BTBD1: variants seen among roughly 807,000 people sequenced by gnomAD.
BTBD1 encodes the protein BTB/POZ domain-containing protein 1.
BTBD1 carries 34 observed loss-of-function variants against 48.0 expected under a neutral mutation model. That is an observed-to-expected ratio of 0.71 (90% CI 0.54 to 0.94). BTBD1 has a LOEUF of 0.94. Among genes scored for constraint, BTBD1 ranks in the 40% least tolerant of loss-of-function variants. The pLI is 0.00. For synonymous variants in BTBD1, 261 were observed against 242.1 expected (o/e 1.08, Z -0.72); for missense variants, 543 against 625.6 (o/e 0.87, Z 1.41).
chr15:83,027,343 ACT>A (rs2151301442), intron 5 of BTBD1, among the ~76,000 whole-genome samples: 1 of 152,278 alleles, frequency 6.6e-6, no homozygotes, highest in South Asian at 2.1e-4. Flanking sequence ...CAAGAGCGAA[ACT>A]CTATCTCAAA....
chr15:83,036,538 C>T (rs577086126), intron 4 of BTBD1, among the ~76,000 whole-genome samples: 95 of 152,226 alleles, frequency 6.2e-4, no homozygotes, highest in African/African-American at 2.0e-3. Context: ...CTACTAAAGC[C>T]GACCATATGC....
At chr15:83,034,090 C>CAAAAAAAA (rs748026027) in intron 4 of BTBD1, among the ~76,000 whole-genome samples, 4 of 67,174 alleles carry the variant, frequency 6.0e-5, no homozygotes, top group Admixed American at 1.7e-4. Context: ...CTGTCTACAC[C>CAAAAAAAA]AAAAAAAAAA....
chr15:83,018,008 T>A lies in BTBD1; in HGVS notation c.*59A>T, dbSNP rs2032205283. ...CTCAAACTACTTTTTTGTGGCCATT[T>A]ATGTTTTTGACACTAGATTGTATGG... On this transcript the variant is annotated 3_prime_UTR_variant, in exon 8 of 8. Transcript: ENST00000261721. 1.1e-5 allele frequency: 13 copies of A among 1,194,618 alleles called. No homozygotes were observed. The highest frequency in any genetic ancestry group is 1.4e-5 in the Non-Finnish European group (12 of 880,330). The allele number at this position is 1,194,618 out of a possible 1,614,324, so 74.0% of individuals were successfully genotyped here.
At chr15:83,050,839 G>A (rs1476959801) in intron 2 of BTBD1, among the ~76,000 whole-genome samples, 1 of 152,004 alleles carries the variant, frequency 6.6e-6, no homozygotes, top group Non-Finnish European at 1.5e-5. Context: ...CAATGAGAAT[G>A]AACAATCTAC....
At chr15:83,055,316 G>T (rs1183489932) in intron 2 of BTBD1, among the ~76,000 whole-genome samples, 1 of 152,150 alleles carries the variant, frequency 6.6e-6, no homozygotes, top group South Asian at 2.1e-4. Flanking sequence ...GGACTGCAAT[G>T]GCGCAATCTC....
At chr15:83,063,811 C>T (rs898175662) in intron 1 of BTBD1, among the ~76,000 whole-genome samples, 2 of 152,212 alleles carry the variant, frequency 1.3e-5, no homozygotes, top group African/African-American at 4.8e-5. Context: ...ACAGGAGATA[C>T]TTAGTGCCGA....
chr15:83,036,751 C>T lies in BTBD1; in HGVS notation c.862+4977G>A, dbSNP rs183376992. 2.6e-5 allele frequency among the ~76,000 whole-genome samples: 4 copies of T among 152,276 alleles called. No individual in the cohort carries two copies. The East Asian group carries it at 7.7e-4, about 29-fold the overall frequency. ...AATGAAAAAGAATGAACTACTGCCA[C>T]ACTCAACCACATGGATGAATCTAAC... is the stretch of plus-strand genomic sequence containing the variant. On this transcript the variant is annotated intron_variant, in intron 4 of 7. Transcript: ENST00000261721.
intron 1 of BTBD1, among the ~76,000 whole-genome samples, chr15:83,057,472 A>C (rs1253230149): frequency 6.6e-6 from 1 of 152,232 alleles, no homozygotes; most frequent in Admixed American, 6.5e-5. Flanking sequence ...TTAGCTATTT[A>C]TCTGTATGTT....
At chr15:83,032,704 A>G (rs976435608) in intron 4 of BTBD1, among the ~76,000 whole-genome samples, 1 of 152,294 alleles carries the variant, frequency 6.6e-6, no homozygotes, top group South Asian at 2.1e-4. Flanking sequence ...CCTAAGAATG[A>G]TATAATGAAC....
At chr15:83,042,348 T>TTATACATATATATA (rs2032777742) in intron 3 of BTBD1, among the ~76,000 whole-genome samples, 1 of 109,896 alleles carries the variant, frequency 9.1e-6, no homozygotes, top group Non-Finnish European at 1.8e-5. Context: ...TTAGGCAATT[T>TTATACATATATATA]TATATATATA....
Position 83,056,370 on chromosome 15 carries a change from C to T in BTBD1, c.558+19G>A. The T allele has an allele frequency of 6.3e-7, 1 of 1,591,054 alleles. No individual in the cohort carries two copies. Among genetic ancestry groups the T allele is most frequent in the Non-Finnish European group, 8.6e-7 (1 of 1,159,716 alleles). ...ATTTTAAAACTACAATGATACATAC[C>T]TTAGCTACATTTACTTACCTGAGTA... On this transcript the variant is annotated intron_variant, in intron 2 of 7. Transcript: ENST00000261721.
At chr15:83,063,286 G>T (rs554993105) in intron 1 of BTBD1, among the ~76,000 whole-genome samples, 1 of 151,984 alleles carries the variant, frequency 6.6e-6, no homozygotes, top group Non-Finnish European at 1.5e-5. Context: ...TTGATCTCTC[G>T]ATTTAAATAC....
chr15:83,056,308 T>C lies in BTBD1; in HGVS notation c.558+81A>G, dbSNP rs976657669. 1.7e-5 allele frequency: 15 copies of C among 857,148 alleles called. No individual in the cohort carries two copies. In the African/African-American group the frequency reaches 2.4e-4, roughly 14 times the overall value. The allele number at this position is 857,148 out of a possible 1,614,324, so 53.1% of individuals were successfully genotyped here. A position where few individuals can be genotyped will look rare whatever the true frequency, so the allele number is the denominator to read the frequency against. ...ACTTTAAAATTATAATCTAGAATTC[T>C]CCAGGAAATATTAAATGCCCATATA... On this transcript the variant is annotated intron_variant, in intron 2 of 7. Transcript: ENST00000261721.
At chr15:83,066,723 G>GCCCGGCCCGT (rs2033282070) in intron 1 of BTBD1, 28 bp downstream of exon 1, 2 of 1,276,296 alleles carry the variant, frequency 1.6e-6, no homozygotes, top group Admixed American at 8.7e-5. Flanking sequence ...GCCCGGCCCG[G>GCCCGGCCCGT]CCCGGCCCGG....
chr15:83,044,625 A>G (rs2032840193), intron 3 of BTBD1: 1 of 1,566,826 alleles, frequency 6.4e-7, no homozygotes, highest in Middle Eastern at 1.7e-4. Flanking sequence ...GACTGTGTGC[A>G]GCTTTGCAGA....
intron 2 of BTBD1, among the ~76,000 whole-genome samples, chr15:83,051,875 T>TACACACACACACAC (rs1187803458): frequency 0.032 from 1,387 of 43,644 alleles, 18 homozygotes; most frequent in East Asian, 0.29. Flanking sequence ...TTTCCATATA[T>TACACACACACACAC]ATACACACAC....
intron 2 of BTBD1, 27 bp downstream of exon 2, chr15:83,056,362 A>C (rs1318288998): frequency 1.3e-6 from 2 of 1,563,744 alleles, no homozygotes; most frequent in Non-Finnish European, 1.8e-6. Flanking sequence ...AACTACAATG[A>C]TACATACCTT....
chr15:83,052,833 G>A (rs1413013148), intron 2 of BTBD1, among the ~76,000 whole-genome samples: 1 of 133,772 alleles, frequency 7.5e-6, no homozygotes, highest in Non-Finnish European at 1.6e-5. Context: ...GTAGAGACGG[G>A]GTTTCACTGT....
intron 2 of BTBD1, among the ~76,000 whole-genome samples, chr15:83,051,895 CACACACACAT>C (rs1030044454): frequency 4.0e-5 from 6 of 151,650 alleles, no homozygotes; most frequent in African/African-American, 1.5e-4. Context: ...CACACACACA[CACACACACAT>C]CTATCTGGGA....
Sources: allele counts gnomAD v4.1 joint callset (sites outside exome capture counted in the v4.1 genomes callset), GRCh38; gene constraint gnomAD v4.1.1; transcripts MANE v1.5; gene names NCBI Gene and HGNC (gene_info 2026-07-23, HGNC 2026-07-21).